The following FILIP1 variants were observed in gnomAD, a reference collection of about 807,000 sequenced individuals.
FILIP1 encodes the protein filamin A interacting protein 1, also known as filamin-A-interacting protein 1.
In FILIP1, 61 loss-of-function variants were observed where a neutral mutation model predicts 102.1. The observed-to-expected ratio is 0.60, with a 90% CI of 0.49 to 0.74. The LOEUF is 0.74. Among genes scored for constraint, FILIP1 ranks in the 30% least tolerant of loss-of-function variants. FILIP1 has a pLI of 0.00. For missense variants in FILIP1, 1,314 were observed against 1,441.2 expected (o/e 0.91, Z 1.43); for synonymous variants, 491 against 526.9 (o/e 0.93, Z 0.93).
chr6:75,303,463 C>T (rs1394385240), downstream of FILIP1, among the ~76,000 whole-genome samples: 1 of 152,078 alleles, frequency 6.6e-6, no homozygotes, highest in Non-Finnish European at 1.5e-5. Context: ...AAAGAAGCAG[C>T]AAAGCAGATT....
chr6:75,394,653 A>G (rs1776402748), intron 2 of FILIP1, among the ~76,000 whole-genome samples: 1 of 152,200 alleles, frequency 6.6e-6, no homozygotes, highest in African/African-American at 2.4e-5. Context: ...AAAAAGCAAT[A>G]CAAATGTCTC....
At chr6:75,295,533 G>A (rs1772645438) in exon 7 of FILIP1, 1 of 160,646 alleles carries the variant, frequency 6.2e-6, no homozygotes, top group Non-Finnish European at 1.4e-5. Context: ...CCAGTACTTT[G>A]AAGAACTGAC....
intron 2 of FILIP1, among the ~76,000 whole-genome samples, chr6:75,369,361 G>A (rs1353083446): frequency 6.6e-6 from 1 of 152,136 alleles, no homozygotes; most frequent in East Asian, 1.9e-4. Flanking sequence ...GGACAAGTTG[G>A]TCACCCTATG....
chr6:75,436,887 C>A (rs1270207752), intron 1 of FILIP1, among the ~76,000 whole-genome samples: 2 of 152,016 alleles, frequency 1.3e-5, no homozygotes, highest in East Asian at 1.9e-4. Flanking sequence ...GGTGTAAATA[C>A]CCCCATCATG....
At chr6:75,423,360 G>A (rs1341760576) in intron 1 of FILIP1, among the ~76,000 whole-genome samples, 5 of 151,952 alleles carry the variant, frequency 3.3e-5, no homozygotes, top group African/African-American at 9.7e-5. Flanking sequence ...AACATTTCTC[G>A]ACCTGATTGT....
At chr6:75,335,320 T>TA (rs1183922759) in intron 4 of FILIP1, among the ~76,000 whole-genome samples, 3 of 152,204 alleles carry the variant, frequency 2.0e-5, no homozygotes, top group Non-Finnish European at 4.4e-5. Flanking sequence ...TAAGTGTTTT[T>TA]AAATGGCAAA....
chr6:75,347,755 C>A (rs147452268), intron 4 of FILIP1, among the ~76,000 whole-genome samples: 1 of 152,110 alleles, frequency 6.6e-6, no homozygotes, highest in African/African-American at 2.4e-5. Flanking sequence ...CAGACTGTCC[C>A]ATTATCCACC....
intron 5 of FILIP1, among the ~76,000 whole-genome samples, chr6:75,311,081 T>C (rs1220570370): frequency 1.3e-5 from 2 of 152,210 alleles, no homozygotes; most frequent in African/African-American, 4.8e-5. Context: ...TAAGTTAACA[T>C]CTAAACAGTA....
At position 75,313,454 on chromosome 6, in the gene FILIP1, C is replaced by T. The variant is rs778083612; in HGVS notation, c.2378G>A (p.Arg793Lys). 1.2e-5 allele frequency: 19 copies of T among 1,614,220 alleles called. No homozygotes were observed. Reference protein sequence around the residue: ...SRALRPSVNGRRMVDVPVTST... With the variant: ...SRALRPSVNGKRMVDVPVTST... The stretch of plus-strand genomic sequence containing the variant: ...CGTCACAGGAACATCCACCATTCTT[C>T]TTCCATTCACACTGGGCCTAAGAGC... The change falls in exon 5 of 6, where the codon AGA becomes AAA. Residue 793 changes from arginine (R) to lysine (K), a missense_variant. Arg to Lys is a conservative substitution (Grantham distance 26). Coordinates refer to ENST00000237172, the MANE Select transcript of FILIP1 (RefSeq NM_015687.5). The surrounding 1 kb of genome is among the most constrained non-coding windows in gnomAD (Gnocchi z 4.2).
chr6:75,300,143 T>C (rs189529131), intron 6 of FILIP1, among the ~76,000 whole-genome samples: 4 of 152,260 alleles, frequency 2.6e-5, no homozygotes, highest in Non-Finnish European at 5.9e-5. Flanking sequence ...AACATTCTTC[T>C]CTAGCAAATA....
At chr6:75,311,033 T>A (rs143900874) in intron 5 of FILIP1, among the ~76,000 whole-genome samples, 3 of 152,328 alleles carry the variant, frequency 2.0e-5, no homozygotes, top group African/African-American at 4.8e-5. Flanking sequence ...GTAGAACTTG[T>A]TCAGGGTCTA....
intron 1 of FILIP1, among the ~76,000 whole-genome samples, chr6:75,492,853 A>G (rs898743880): frequency 2.0e-5 from 3 of 152,212 alleles, no homozygotes; most frequent in African/African-American, 7.2e-5. Context: ...GCCCAGTCAG[A>G]AGCATTTGGG....
chr6:75,444,352 G>A (rs1042470438), intron 1 of FILIP1, among the ~76,000 whole-genome samples: 16 of 152,232 alleles, frequency 1.1e-4, no homozygotes, highest in African/African-American at 3.1e-4. Flanking sequence ...CTTGATGTGC[G>A]TACATAGTCT....
intron 2 of FILIP1, among the ~76,000 whole-genome samples, chr6:75,370,569 CTTTTTTTTTTTTTT>C (rs61384517): frequency 4.0e-5 from 3 of 75,702 alleles, no homozygotes; most frequent in Non-Finnish European, 4.9e-5. Flanking sequence ...GGAGTCTCTT[CTTTTTTTTTTTTTT>C]TTTTTTTTTT....
intron 3 of FILIP1, among the ~76,000 whole-genome samples, chr6:75,355,346 A>G (rs1774954628): frequency 6.6e-6 from 1 of 150,914 alleles, no homozygotes; most frequent in African/African-American, 2.4e-5. Context: ...ATCCGGAAAT[A>G]TTATTACCAG....
In FILIP1 at chr6:75,414,684, A is replaced by G. The variant is rs771369892; in HGVS notation, c.276+13T>C. 1.2e-6 allele frequency: 2 copies of G among 1,606,584 alleles called. No individual in the cohort carries two copies. The highest frequency in any genetic ancestry group is 1.3e-5 in the African/African-American group (1 of 74,544). The stretch of plus-strand genomic sequence containing the variant: ...CCAAAGACACAATAACAGTTGGGAA[A>G]GTTTGACTCTACCTGCAACTCCCCT... On this transcript the variant is annotated intron_variant, in intron 2 of 5. Transcript: ENST00000237172.
intron 2 of FILIP1, among the ~76,000 whole-genome samples, chr6:75,383,407 T>G (rs1294022562): frequency 6.6e-6 from 1 of 152,152 alleles, no homozygotes; most frequent in Admixed American, 6.5e-5. Context: ...TGAATTGTGC[T>G]CTCTCTGAAT....
intron 2 of FILIP1, chr6:75,398,084 T>A (rs1776527852): frequency 6.6e-6 from 1 of 152,162 alleles, no homozygotes; most frequent in African/African-American, 2.4e-5. Context: ...TAGGATTACA[T>A]GTTAACTGAA....
At chr6:75,438,472 C>T (rs1778096732) in intron 1 of FILIP1, among the ~76,000 whole-genome samples, 1 of 152,136 alleles carries the variant, frequency 6.6e-6, no homozygotes, top group South Asian at 2.1e-4. Flanking sequence ...TTTTTGTCTG[C>T]ATATTATAGC....
Sources: gnomAD v4.1 joint callset for allele counts (sites outside exome capture counted in the v4.1 genomes callset) on GRCh38, gnomAD v4.1.1 for gene constraint, Gnocchi (gnomAD v3.1) non-coding constraint, MANE v1.5 for transcripts, NCBI Gene and HGNC (gene_info 2026-07-23, HGNC 2026-07-21) for gene names.